Variants in SART1 observed in about 807,000 individuals in gnomAD.
The protein encoded by SART1 is U4/U6.U5 tri-snRNP-associated protein 1.
SART1 carries 28 observed loss-of-function variants against 105.0 expected under a neutral mutation model. The ratio of observed to expected loss-of-function variants is 0.27; its 90% CI spans 0.20 to 0.37. The LOEUF (loss-of-function observed/expected upper bound fraction) is 0.37, where lower values mean the gene tolerates loss of function less well. Among genes scored for constraint, SART1 ranks in the 10% least tolerant of loss-of-function variants. SART1 has a pLI of 1.00. For missense variants in SART1, 894 were observed against 1,106.5 expected, an observed-to-expected ratio of 0.81 and a Z score of 2.72; for synonymous variants, 472 against 462.9, an observed-to-expected ratio of 1.02 and a Z score of -0.25.
In SART1 at chr11:65,963,483, T is replaced by G. The variant is rs531940411; in HGVS notation, c.314-591T>G. Among the ~76,000 whole-genome samples, 1,159 of 148,554 alleles carry G rather than the reference T, an allele frequency of 7.8e-3. 5 individuals carry two copies. The highest frequency in any genetic ancestry group is 0.011 in the Non-Finnish European group (737 of 66,840). ...CAGGAAAGGAAGAGTTTTTTTTTTGTTTTGTTTTGTTTTTTTGAGACAAAG... is the reference window on the plus strand; with the variant it reads ...CAGGAAAGGAAGAGTTTTTTTTTTGGTTTGTTTTGTTTTTTTGAGACAAAG... On this transcript the variant is annotated intron_variant, in intron 1 of 19. Transcript: ENST00000312397.
chr11:65,962,224 A>C (rs574509812), intron 1 of SART1, 131 bp downstream of exon 1: 1 of 683,918 alleles, frequency 1.5e-6, no homozygotes, highest in Non-Finnish European at 2.2e-6. Context: ...AGCTCTATTA[A>C]ATAGTCTTTC....
At position 65,963,969 on chromosome 11, in the gene SART1, A is replaced by G; in HGVS notation, c.314-105A>G. The G allele has an allele frequency of 3.4e-6, 3 of 890,518 alleles. No individual in the cohort carries two copies. The South Asian group carries it at 4.3e-5, about 13-fold the overall frequency. The allele number at this position is 890,518 out of a possible 1,614,324, so 55.2% of individuals were successfully genotyped here. On this transcript the variant is annotated intron_variant, in intron 1 of 19. Transcript: ENST00000312397. Reference sequence around the variant, plus strand: ...TGTTTTCTGGTGTTTCAGCAGGCCCAGGTGCTGGTGAGGGGCCCTCATTTT... The same window carrying G: ...TGTTTTCTGGTGTTTCAGCAGGCCCGGGTGCTGGTGAGGGGCCCTCATTTT...
chr11:65,967,109 A>T lies in SART1; in HGVS notation c.1189-150A>T. On this transcript the variant is annotated intron_variant, in intron 9 of 19. Transcript: ENST00000312397. ...CCTAGCTCACCAGTGGAATTGAGAT[A>T]GTAACCACCCCACATGTTGCTCATG... 5.1e-6 allele frequency: 6 copies of T among 1,165,312 alleles called. No individual in the cohort carries two copies. The South Asian group carries it at 9.2e-5, about 18-fold the overall frequency. 72.2% of individuals were successfully genotyped at this position (1,165,312 alleles called of 1,614,324 possible). A position where few individuals can be genotyped will look rare whatever the true frequency, so the allele number is the denominator to read the frequency against.
At position 65,964,569 on chromosome 11, in the gene SART1, G is replaced by C; in HGVS notation, c.426G>C (p.Lys142Asn). 1 of 1,609,818 alleles carries C rather than the reference G, an allele frequency of 6.2e-7. No homozygotes were observed. The highest frequency in any genetic ancestry group is 8.5e-7 in the Non-Finnish European group (1 of 1,178,880). Residue 142 changes from lysine to asparagine, a missense_variant and splice_region_variant, in exon 3 of 20, where the codon AAG (lysine) becomes AAC (asparagine). Physicochemically the swap from Lys to Asn is moderately conservative, Grantham distance 94. This residue lies in a region of SART1 where 712 missense variants were observed against 778.2 expected (regional missense o/e 0.91). Transcript: ENST00000312397. ...LKPLEVNAIK[K>N]EAGTKEEPVT... is the part of the protein sequence containing the mutation. ...CCTTGGAGGTTAATGCCATCAAGAAGGGTGAGTATGGGGCTGAGGATAGGG... is the reference window on the plus strand; with the variant it reads ...CCTTGGAGGTTAATGCCATCAAGAACGGTGAGTATGGGGCTGAGGATAGGG...
chr11:65,968,264 G>A (rs1269750892), intron 12 of SART1, among the ~76,000 whole-genome samples: 2 of 152,138 alleles, frequency 1.3e-5, no homozygotes, highest in Non-Finnish European at 2.9e-5. Flanking sequence ...TCTGTTTAAA[G>A]TCATGTTTTG....
intron 12 of SART1, among the ~76,000 whole-genome samples, chr11:65,973,786 G>A (rs929711439): frequency 6.6e-6 from 1 of 152,226 alleles, no homozygotes; most frequent in Non-Finnish European, 1.5e-5. Flanking sequence ...AGTGGAAACT[G>A]ATGAGCTACA....
At chr11:65,972,578 AC>A (rs200461701) in intron 12 of SART1, among the ~76,000 whole-genome samples, 2 of 151,432 alleles carry the variant, frequency 1.3e-5, no homozygotes. Context: ...CAGCAAGACC[AC>A]CCCCCCTACC....
chr11:65,976,351 C>A lies in SART1; in HGVS notation c.1573-44C>A. 2 of 1,477,560 alleles carry A rather than the reference C, an allele frequency of 1.4e-6. No individual in the cohort carries two copies. Among genetic ancestry groups the A allele is most frequent in the Non-Finnish European group, 1.8e-6 (2 of 1,115,064 alleles). 91.5% of individuals were successfully genotyped at this position (1,477,560 alleles called of 1,614,324 possible). On this transcript the variant is annotated intron_variant, in intron 12 of 19. Coordinates refer to ENST00000312397, the MANE Select transcript of SART1 (RefSeq NM_005146.5). The surrounding 1 kb of genome is among the most constrained non-coding windows in gnomAD (Gnocchi z 5.1). ...AGGTTCCTGGGTCTCAATGGCATCA[C>A]CCCAGAAACTGCTGGGTTTGCCCAC...
chr11:65,965,329 T>C lies in SART1; in HGVS notation c.555-13T>C, dbSNP rs552130. On this transcript the variant is annotated splice_polypyrimidine_tract_variant and intron_variant, in intron 4 of 19. Transcript: ENST00000312397. Reference sequence around the variant, plus strand: ...AGCTGGGCTCCTTGAGCATCACTTTTTCCCCTCTTCAGGAAGATAAAGACC... The same window carrying C: ...AGCTGGGCTCCTTGAGCATCACTTTCTCCCCTCTTCAGGAAGATAAAGACC... 0.5 allele frequency: 793,078 copies of C among 1,591,160 alleles called. 200,746 individuals are homozygous for C. The highest frequency in any genetic ancestry group is 0.71 in the East Asian group (30,974 of 43,524).
Position 65,978,469 on chromosome 11 carries a change from C to T in SART1, c.2173-131C>T, listed in dbSNP as rs1383275960. On this transcript the variant is annotated intron_variant, in intron 17 of 19. Coordinates refer to ENST00000312397, the MANE Select transcript of SART1 (RefSeq NM_005146.5). This position sits in a 1 kb window ranked among gnomAD's most constrained non-coding sequence, Gnocchi z 6.8. ...CAGCGTCTGTGCTCTTTTCCCATCC[C>T]CTTCCCACTGCACCCCAGGCCTGGC... 9 of 854,266 alleles carry T rather than the reference C, an allele frequency of 1.1e-5. No homozygotes were observed. Among genetic ancestry groups the T allele is most frequent in the Non-Finnish European group, 1.7e-5 (9 of 534,384 alleles). 52.9% of individuals were successfully genotyped at this position (854,266 alleles called of 1,614,324 possible).
chr11:65,967,460 C>T lies in SART1; in HGVS notation c.1314-11C>T. ...GGACCGGTGCTCACCAGAGAGGCCT[C>T]CTTCCCTCAGACTGCGGGGACGGGG... On this transcript the variant is annotated splice_polypyrimidine_tract_variant and intron_variant, in intron 10 of 19. Coordinates refer to ENST00000312397, the MANE Select transcript of SART1 (RefSeq NM_005146.5). 1 of 1,613,642 alleles carries T rather than the reference C, an allele frequency of 6.2e-7. No homozygotes were observed. Among genetic ancestry groups the T allele is most frequent in the Non-Finnish European group, 8.5e-7 (1 of 1,179,878 alleles).
intron 1 of SART1, among the ~76,000 whole-genome samples, chr11:65,962,352 G>T (rs1044313962): frequency 6.6e-5 from 10 of 152,234 alleles, no homozygotes; most frequent in African/African-American, 2.4e-4. Flanking sequence ...TCTTTCTACG[G>T]TTGTTTAGGA....
chr11:65,961,963 C>T lies in SART1; in HGVS notation c.183C>T (p.Gly61=), dbSNP rs768579159. The part of the protein sequence containing the change: ...ERRKRSRERG[G]ERGSGRRGAE... ...GGAAGCGGAGCCGGGAACGTGGGGG[C>T]GAGCGCGGGAGCGGGCGGCGCGGGG... The change falls in exon 1 of 20, where the codon GGC becomes GGT. Residue 61 remains glycine, a synonymous_variant. Transcript: ENST00000312397. 2.4e-5 allele frequency: 37 copies of T among 1,522,236 alleles called. No homozygotes were observed. The highest frequency in any genetic ancestry group is 3.2e-5 in the Non-Finnish European group (36 of 1,136,750). The allele number at this position is 1,522,236 out of a possible 1,614,324, so 94.3% of individuals were successfully genotyped here.
intron 12 of SART1, among the ~76,000 whole-genome samples, chr11:65,975,061 G>GACAA (rs550431883): frequency 1.4e-5 from 2 of 146,542 alleles, no homozygotes; most frequent in Admixed American, 6.8e-5. Context: ...AAAATTAAAA[G>GACAA]ACAAACAAAC....
rs765122173 is a variant in SART1, at chr11:65,966,341, G to T, written c.982-9G>T. The T allele has an allele frequency of 1.2e-6, 2 of 1,614,034 alleles. No individual in the cohort carries two copies. The highest frequency in any genetic ancestry group is 2.2e-5 in the South Asian group (2 of 91,080). On this transcript the variant is annotated splice_polypyrimidine_tract_variant and intron_variant, in intron 8 of 19. Transcript: ENST00000312397. ...GCCTGGGTCCCAACCTGTACCTCTT[G>T]CCTTGCAGCAAAAACCTCGCTCTAT...
intron 17 of SART1, 82 bp downstream of exon 17, chr11:65,977,981 CA>C: frequency 1.4e-6 from 2 of 1,457,706 alleles, no homozygotes; most frequent in Non-Finnish European, 1.9e-6. Flanking sequence ...CCGGGCCATG[CA>C]ATGCCCCAGG....
At chr11:65,966,270 A>G (rs1855254879) in intron 8 of SART1, 52 bp downstream of exon 8, 2 of 1,613,548 alleles carry the variant, frequency 1.2e-6, no homozygotes, top group Admixed American at 1.7e-5. Context: ...AATGTCGGGA[A>G]TGGGGGCTCT....
At chr11:65,972,997 T>C (rs10896070) in intron 12 of SART1, among the ~76,000 whole-genome samples, 42,048 of 151,892 alleles carry the variant, frequency 0.28, 7,394 homozygotes, top group Middle Eastern at 0.46. Context: ...AGTGAAACCC[T>C]GTCTCTACTA....
chr11:65,965,963 T>C lies in SART1; in HGVS notation c.815T>C (p.Met272Thr), dbSNP rs757046857. Residue 272 changes from methionine (M) to threonine (T), a missense_variant, in exon 7 of 20, where the codon ATG (methionine) becomes ACG (threonine). Met to Thr is a moderately conservative substitution (Grantham distance 81). Around this residue, in one of 2 missense-constraint regions of SART1, gnomAD observed 712 missense variants for 778.2 expected, o/e 0.91. Transcript: ENST00000312397. ...AIDSFREGET[M>T]ILTLKDKGVL... Reference sequence around the variant, plus strand: ...GATTCCTTCCGAGAAGGGGAGACAATGATTCTTACCCTCAAGGACAAAGGT... The same window carrying C: ...GATTCCTTCCGAGAAGGGGAGACAACGATTCTTACCCTCAAGGACAAAGGT... 6.2e-7 allele frequency: 1 copy of C among 1,613,844 alleles called. No individual in the cohort carries two copies. The highest frequency in any genetic ancestry group is 8.5e-7 in the Non-Finnish European group (1 of 1,179,936).
Sources: gnomAD v4.1 joint callset for allele counts (sites outside exome capture counted in the v4.1 genomes callset) on GRCh38, gnomAD v4.1.1 for gene constraint, gnomAD v4.1.1 regional missense constraint, Gnocchi (gnomAD v3.1) non-coding constraint, MANE v1.5 for transcripts, NCBI Gene and HGNC (gene_info 2026-07-23, HGNC 2026-07-21) for gene names.